The following METTL4 variants were observed in gnomAD, a reference collection of about 807,000 sequenced individuals.
The protein encoded by METTL4 is methyltransferase 4, N6-adenosine, also known as N(6)-adenine-specific methyltransferase METTL4.
In METTL4, 40 loss-of-function variants were observed where a neutral mutation model predicts 54.0. The observed-to-expected ratio is 0.74, with a 90% CI of 0.58 to 0.96. The LOEUF (loss-of-function observed/expected upper bound fraction) is 0.96. METTL4 is among the 50% of genes least tolerant of loss of function. The pLI is 0.00. For synonymous variants in METTL4, 169 were observed against 183.8 expected, an observed-to-expected ratio of 0.92 and a Z score of 0.65; for missense variants, 525 against 549.0, an observed-to-expected ratio of 0.96 and a Z score of 0.44.
intron 2 of METTL4, among the ~76,000 whole-genome samples, chr18:2,564,344 C>CA (rs1385409932): frequency 6.6e-6 from 1 of 151,544 alleles, no homozygotes; most frequent in Non-Finnish European, 1.5e-5. Context: ...GACTCTGTCT[C>CA]AAAAAAAAGA....
intron 8 of METTL4, among the ~76,000 whole-genome samples, chr18:2,542,854 G>A (rs1278204935): frequency 6.6e-6 from 1 of 152,124 alleles, no homozygotes; most frequent in Non-Finnish European, 1.5e-5. Flanking sequence ...GAGGCTGGGT[G>A]CGGTGGCTCA....
chr18:2,539,801 T>C, intron 8 of METTL4: 1 of 949,914 alleles, frequency 1.1e-6, no homozygotes, highest in Non-Finnish European at 1.2e-6. Flanking sequence ...TTAATAAATA[T>C]AACCCATACA....
chr18:2,549,972 C>T (rs943204944), intron 5 of METTL4, among the ~76,000 whole-genome samples: 3 of 151,412 alleles, frequency 2.0e-5, no homozygotes, highest in South Asian at 2.1e-4. Flanking sequence ...CCAGCCTGGG[C>T]GACAACAGCG....
At chr18:2,544,166 G>T (rs1334413018) in intron 8 of METTL4, 29 bp downstream of exon 8, 3 of 1,539,998 alleles carry the variant, frequency 1.9e-6, no homozygotes, top group African/African-American at 1.4e-5. Context: ...TGACAAAAGT[G>T]ATAACAATTC....
In METTL4 at chr18:2,567,331, T is replaced by C. The variant is rs1327577435; in HGVS notation, c.-115A>G. On this transcript the variant is annotated 5_prime_UTR_variant, in exon 2 of 9. Coordinates refer to ENST00000574538, the MANE Select transcript of METTL4 (RefSeq NM_022840.5). ...TAAACATACACTTCATACACACAGA[T>C]AGATTTGATATACAAGTACAAAAAC... 1.4e-5 allele frequency: 12 copies of C among 878,566 alleles called. No homozygotes were observed. Among genetic ancestry groups the C allele is most frequent in the South Asian group, 1.1e-4 (5 of 45,918 alleles). 54.4% of individuals were successfully genotyped at this position (878,566 alleles called of 1,614,324 possible).
intron 6 of METTL4, 42 bp from the exon 7 acceptor site, chr18:2,544,801 T>C: frequency 1.5e-6 from 2 of 1,324,172 alleles, no homozygotes; most frequent in South Asian, 2.4e-5. Flanking sequence ...TTTTTTCCCA[T>C]CACTATAGAG....
Position 2,544,224 on chromosome 18 carries a change from G to A in METTL4, c.1244C>T (p.Thr415Ile). The A allele has an allele frequency of 6.2e-7, 1 of 1,613,138 alleles. No homozygotes were observed. ...DHKLIVSVPC[T>I]LHSHKPPLAE... Reference sequence around the variant, plus strand: ...AAGCGGTGGCTTATGTGAGTGAAGAGTACAGGGCACGCTGACAATTAATTT... The same window carrying A: ...AAGCGGTGGCTTATGTGAGTGAAGAATACAGGGCACGCTGACAATTAATTT... Residue 415 changes from threonine to isoleucine, a missense_variant, in exon 8 of 9, where the codon ACT becomes ATT. Transcript: ENST00000574538.
intron 8 of METTL4, among the ~76,000 whole-genome samples, chr18:2,543,613 T>C (rs1406575517): frequency 1.3e-5 from 2 of 152,194 alleles, no homozygotes; most frequent in East Asian, 1.9e-4. Context: ...CAAAATCACA[T>C]TAGTCCATTT....
At chr18:2,555,187 A>G in intron 3 of METTL4, 149 bp from the exon 4 acceptor site, 1 of 875,246 alleles carries the variant, frequency 1.1e-6, no homozygotes, top group Non-Finnish European at 1.7e-6. Flanking sequence ...AGAATGTGTG[A>G]GCACGCCTTT....
chr18:2,554,235 T>G (rs1347972383), intron 4 of METTL4: 1 of 150,658 alleles, frequency 6.6e-6, no homozygotes, highest in Non-Finnish European at 1.4e-5. Flanking sequence ...TTTTTAACTT[T>G]GTACGGAAAT....
At chr18:2,553,775 A>C (rs549789443) in intron 4 of METTL4, 1 of 152,306 alleles carries the variant, frequency 6.6e-6, no homozygotes, top group East Asian at 1.9e-4. Context: ...AAATTAAAAT[A>C]AAGAAGTGAC....
At chr18:2,540,666 C>T (rs2677882) in intron 8 of METTL4, 217,372 of 984,976 alleles carry the variant, frequency 0.22, 24,493 homozygotes, top group Non-Finnish European at 0.23. Context: ...ATGCTACTAA[C>T]CTTGAAAGAG....
intron 2 of METTL4, among the ~76,000 whole-genome samples, chr18:2,564,923 AC>A (rs2072380268): frequency 6.6e-6 from 1 of 152,172 alleles, no homozygotes; most frequent in African/African-American, 2.4e-5. Flanking sequence ...TTTTACTAAG[AC>A]CTCGGACAAT....
At chr18:2,567,942 G>A (rs576650984) in intron 1 of METTL4, among the ~76,000 whole-genome samples, 1 of 152,218 alleles carries the variant, frequency 6.6e-6, no homozygotes, top group African/African-American at 2.4e-5. Flanking sequence ...AAACCGCAAG[G>A]TTAAGAGTCT....
chr18:2,543,700 AG>A (rs2072027899), intron 8 of METTL4, among the ~76,000 whole-genome samples: 1 of 152,222 alleles, frequency 6.6e-6, no homozygotes, highest in Non-Finnish European at 1.5e-5. Context: ...CATTAAGACT[AG>A]TGAGAATTTG....
chr18:2,547,278 A>C, intron 6 of METTL4, 77 bp downstream of exon 6: 1 of 1,192,760 alleles, frequency 8.4e-7, no homozygotes, highest in Non-Finnish European at 1.1e-6. Flanking sequence ...TGACATGTTG[A>C]GCATTACAAA....
At chr18:2,566,777 T>C in intron 2 of METTL4, 44 bp downstream of exon 2, 1 of 1,413,426 alleles carries the variant, frequency 7.1e-7, no homozygotes, top group Non-Finnish European at 9.5e-7. Flanking sequence ...TAAATCTCAA[T>C]TATGTTTTCT....
At position 2,547,447 on chromosome 18, in the gene METTL4, C is replaced by T. The variant is rs988620887; in HGVS notation, c.982G>A (p.Val328Met). The T allele has an allele frequency of 1.2e-6, 2 of 1,612,084 alleles. No individual in the cohort carries two copies. The highest frequency in any genetic ancestry group is 1.7e-6 in the Non-Finnish European group (2 of 1,178,876). Residue 328 changes from valine (V) to methionine (M), a missense_variant, in exon 6 of 9, where the codon GTG becomes ATG. By Grantham distance (21) the Val-to-Met change is conservative. Transcript: ENST00000574538. ...AAPNCLLVTW[V>M]TNRQKHLRFI... is the part of the protein sequence containing the mutation. ...CGTAGGTGCTTCTGTCTATTGGTCA[C>T]CCAAGTAACAAGAAGACAGTTTGGA...
At chr18:2,563,321 T>C (rs1164667859) in intron 3 of METTL4, among the ~76,000 whole-genome samples, 1 of 152,166 alleles carries the variant, frequency 6.6e-6, no homozygotes, top group African/African-American at 2.4e-5. Context: ...CTGGATGCAG[T>C]CGCTCACTCC....
Sources: gnomAD v4.1 joint callset for allele counts (sites outside exome capture counted in the v4.1 genomes callset) on GRCh38, gnomAD v4.1.1 for gene constraint, MANE v1.5 for transcripts, NCBI Gene and HGNC (gene_info 2026-07-23, HGNC 2026-07-21) for gene names.